CD81: variants seen among roughly 807,000 people sequenced by gnomAD.
CD81 encodes the protein CD81 antigen.
A neutral mutation model predicts 30.1 loss-of-function variants in CD81; 10 were observed. That is an observed-to-expected ratio of 0.33 (90% CI 0.21 to 0.56). CD81 has a LOEUF of 0.56. Ranked by LOEUF, CD81 falls within the 20% of genes least tolerant of loss-of-function variation. The pLI is 0.89. For missense variants in CD81, 263 were observed against 308.7 expected (o/e 0.85, Z 1.11); for synonymous variants, 147 against 126.4 (o/e 1.16, Z -1.10).
chr11:2,379,029 G>A (rs1022124531), intron 1 of CD81: 28 of 405,094 alleles, frequency 6.9e-5, no homozygotes, highest in African/African-American at 4.3e-4. Context: ...TGTGGCCTTC[G>A]GCACTGCCCT....
rs1191184766 is a variant in CD81 at position 2,390,078 on chromosome 11, T to G, written c.67-334T>G. On this transcript the variant is annotated intron_variant, in intron 1 of 7. Coordinates refer to ENST00000263645, the MANE Select transcript of CD81 (RefSeq NM_004356.4). ...TTTTTTGTATGTCCCGTGCAATATT[T>G]GGGACACACTTACCCTAAAGAAGTA... is the stretch of plus-strand genomic sequence containing the variant. 5 of 447,660 alleles carry G rather than the reference T, an allele frequency of 1.1e-5. No homozygotes were observed. The Admixed American group carries it at 1.7e-4, about 15-fold the overall frequency. 27.7% of individuals were successfully genotyped at this position (447,660 alleles called of 1,614,324 possible).
At chr11:2,388,185 T>G (rs2133452214) in intron 1 of CD81, among the ~76,000 whole-genome samples, 1 of 152,332 alleles carries the variant, frequency 6.6e-6, no homozygotes. Context: ...GTGCTGGGAT[T>G]ACAGGCGCTT....
chr11:2,384,151 A>G (rs1477810056), intron 1 of CD81, among the ~76,000 whole-genome samples: 1 of 152,152 alleles, frequency 6.6e-6, no homozygotes, highest in African/African-American at 2.4e-5. Flanking sequence ...AAAGAAAGAA[A>G]CAATCCTTCA....
intron 1 of CD81, 57 bp from the exon 2 acceptor site, chr11:2,390,355 C>A: frequency 7.5e-7 from 1 of 1,334,848 alleles, no homozygotes; most frequent in African/African-American, 1.4e-5. Context: ...GTGGGGTGGG[C>A]GCACTCCCTG....
chr11:2,376,543 C>T (rs528781620), upstream of CD81, among the ~76,000 whole-genome samples: 8 of 152,306 alleles, frequency 5.3e-5, no homozygotes, highest in South Asian at 4.1e-4. Context: ...CCACACCTTC[C>T]GGAAGAGCCA....
chr11:2,394,476 C>A (rs1290522472), intron 3 of CD81, among the ~76,000 whole-genome samples: 1 of 152,236 alleles, frequency 6.6e-6, no homozygotes, highest in Non-Finnish European at 1.5e-5. Context: ...CCCGGGCACA[C>A]CGCCCCCTGT....
At chr11:2,379,150 A>T (rs1446358024) in intron 1 of CD81, 4 of 454,950 alleles carry the variant, frequency 8.8e-6, no homozygotes, top group Non-Finnish European at 1.8e-5. Context: ...CATGTGGGAG[A>T]GGCACCAGAC....
At chr11:2,384,605 C>T (rs996827500) in intron 1 of CD81, 4 of 159,360 alleles carry the variant, frequency 2.5e-5, no homozygotes, top group African/African-American at 7.5e-5. Flanking sequence ...ATCCTGGGGG[C>T]GGGGCATCTC....
In CD81 at chr11:2,378,989, C is replaced by A. The variant is rs1184454725; in HGVS notation, c.66+1374C>A. ...CTTCCCCAAGCCGGGCTGTTCTGCACAGCCTGCTTGGGACGCTGGTGGGAG... is the reference window on the plus strand; with the variant it reads ...CTTCCCCAAGCCGGGCTGTTCTGCAAAGCCTGCTTGGGACGCTGGTGGGAG... On this transcript the variant is annotated intron_variant, in intron 1 of 7. Transcript: ENST00000263645. This position sits in a 1 kb window ranked among gnomAD's most constrained non-coding sequence, Gnocchi z 4.9. Among the ~76,000 whole-genome samples, 1 of 152,222 alleles carries A rather than the reference C, an allele frequency of 6.6e-6. No individual in the cohort carries two copies. The highest frequency in any genetic ancestry group is 2.4e-5 in the African/African-American group (1 of 41,470).
At chr11:2,393,008 G>A (rs1423203061) in intron 2 of CD81, 1 of 152,344 alleles carries the variant, frequency 6.6e-6, no homozygotes, top group East Asian at 1.9e-4. Flanking sequence ...CCACCTGCAG[G>A]GCATTCCTGG....
At chr11:2,396,601 A>T in intron 6 of CD81, 27 bp from the exon 7 acceptor site, 1 of 1,595,646 alleles carries the variant, frequency 6.3e-7, no homozygotes, top group Non-Finnish European at 8.6e-7. Flanking sequence ...CCGGTCCCTG[A>T]CCACGCGTGC....
At chr11:2,396,488 C>A in intron 6 of CD81, 140 bp from the exon 7 acceptor site, 1 of 794,050 alleles carries the variant, frequency 1.3e-6, no homozygotes, top group South Asian at 1.4e-5. Context: ...CCCGCCTGTT[C>A]CGAGGTGGGT....
rs1849617390 is a variant in CD81 at position 2,377,472 on chromosome 11, C to T, written c.-78C>T. 8.6e-6 allele frequency: 5 copies of T among 582,866 alleles called. No homozygotes were observed. In the South Asian group the frequency reaches 2.8e-4, roughly 33 times the overall value. The allele number at this position is 582,866 out of a possible 1,614,324, so 36.1% of individuals were successfully genotyped here. ...GCCCGCCAGGCCCCCTTGCCGGCCA[C>T]CCGCCAGGCCCCGCGCCGGCCCGCC... On this transcript the variant is annotated 5_prime_UTR_variant, in exon 1 of 8. Coordinates refer to ENST00000263645, the MANE Select transcript of CD81 (RefSeq NM_004356.4). The surrounding 1 kb of genome is among the most constrained non-coding windows in gnomAD (Gnocchi z 7.7).
chr11:2,385,872 A>G (rs1849788924), intron 1 of CD81: 3 of 648,692 alleles, frequency 4.6e-6, no homozygotes, highest in South Asian at 1.6e-5. Flanking sequence ...ACATTTGTGT[A>G]CAAGTCTTGT....
At chr11:2,394,714 C>T (rs544234818) in intron 3 of CD81, 13 of 589,046 alleles carry the variant, frequency 2.2e-5, no homozygotes, top group South Asian at 3.8e-5. Context: ...CCAAACCACA[C>T]GCCCCGCCCC....
At position 2,390,425 on chromosome 11, in the gene CD81, T is replaced by C. The variant is rs1378323726; in HGVS notation, c.80T>C (p.Val27Ala). 2 of 1,612,484 alleles carry C rather than the reference T, an allele frequency of 1.2e-6. No homozygotes were observed. Among genetic ancestry groups the C allele is most frequent in the Non-Finnish European group, 8.5e-7 (1 of 1,179,776 alleles). Reference sequence around the variant, plus strand: ...GCTCTTTCCCAGCTGGCTGGAGGCGTGATCCTGGGTGTGGCCCTGTGGCTC... The same window carrying C: ...GCTCTTTCCCAGCTGGCTGGAGGCGCGATCCTGGGTGTGGCCCTGTGGCTC... ...FNFVFWLAGG[V>A]ILGVALWLRH... Residue 27 changes from valine to alanine, a missense_variant, in exon 2 of 8, where the codon GTG becomes GCG. Physicochemically the swap from Val to Ala is moderately conservative, Grantham distance 64 (BLOSUM62 0). Transcript: ENST00000263645.
At chr11:2,395,165 TC>T in intron 4 of CD81, 119 bp downstream of exon 4, 1 of 872,958 alleles carries the variant, frequency 1.1e-6, no homozygotes, top group Non-Finnish European at 1.9e-6. Context: ...TCTTCCTGGG[TC>T]CCACTTGCCA....
At chr11:2,390,642 G>T in intron 2 of CD81, 116 bp downstream of exon 2, 5 of 774,222 alleles carry the variant, frequency 6.5e-6, no homozygotes, top group Non-Finnish European at 1.1e-5. Context: ...GCGTGTCCGG[G>T]CAGGGAGGCG....
At chr11:2,380,631 C>A (rs972523532) in intron 1 of CD81, among the ~76,000 whole-genome samples, 3 of 152,170 alleles carry the variant, frequency 2.0e-5, no homozygotes, top group Non-Finnish European at 4.4e-5. Context: ...CGTGGAAATC[C>A]TGTCCCTTGG....
Sources: gnomAD v4.1 joint callset for allele counts (sites outside exome capture counted in the v4.1 genomes callset) on GRCh38, gnomAD v4.1.1 for gene constraint, Gnocchi (gnomAD v3.1) non-coding constraint, MANE v1.5 for transcripts, NCBI Gene and HGNC (gene_info 2026-07-23, HGNC 2026-07-21) for gene names.